The following NRXN3 variants were observed in gnomAD, a reference collection of about 807,000 sequenced individuals.
NRXN3 encodes neurexin 3, also known as neurexin III.
In NRXN3, 32 loss-of-function variants were observed where a neutral mutation model predicts 137.6. The ratio of observed to expected loss-of-function variants is 0.23; its 90% CI spans 0.18 to 0.31. NRXN3 has a LOEUF of 0.31. Among genes scored for constraint, NRXN3 ranks in the 10% least tolerant of loss-of-function variants. The probability of loss-of-function intolerance (pLI) is 1.00; values close to 1 mark genes in which losing one functional copy is unlikely to be tolerated. For missense variants in NRXN3, 1,574 were observed against 2,062.5 expected, an observed-to-expected ratio of 0.76 and a Z score of 4.59; for synonymous variants, 798 against 784.5, an observed-to-expected ratio of 1.02 and a Z score of -0.29.
chr14:78,203,803 GGTGTGTGTGTGTGTGT>G (rs3059003), intron 1 of NRXN3, among the ~76,000 whole-genome samples: 4 of 133,950 alleles, frequency 3.0e-5, no homozygotes, highest in Non-Finnish European at 4.8e-5. Context: ...GATCCTTCCA[GGTGTGTGTGTGTGTGT>G]GTGTGTGTGT....
At chr14:78,920,476 A>G (rs1472850252) in intron 10 of NRXN3, among the ~76,000 whole-genome samples, 5 of 152,160 alleles carry the variant, frequency 3.3e-5, no homozygotes, top group Admixed American at 2.0e-4. Context: ...AGCATTGAAC[A>G]CTGTATTTCT....
intron 10 of NRXN3, among the ~76,000 whole-genome samples, chr14:78,948,775 T>A (rs901396265): frequency 1.3e-5 from 2 of 152,024 alleles, no homozygotes; most frequent in Non-Finnish European, 2.9e-5. Flanking sequence ...TAATTAGCAA[T>A]AGTCTCCCAT....
chr14:78,873,976 CTTT>C (rs3034392), intron 10 of NRXN3, among the ~76,000 whole-genome samples: 2 of 140,818 alleles, frequency 1.4e-5, no homozygotes, highest in Admixed American at 7.1e-5. Flanking sequence ...TCTTTTCTTT[CTTT>C]TTTTTTTTTT....
At chr14:78,330,850 C>T (rs534800482) in intron 4 of NRXN3, among the ~76,000 whole-genome samples, 1 of 152,220 alleles carries the variant, frequency 6.6e-6, no homozygotes, top group African/African-American at 2.4e-5. Flanking sequence ...AATATCTTTG[C>T]AAACGAACTG....
chr14:79,604,794 G>C (rs1262387050), intron 16 of NRXN3, among the ~76,000 whole-genome samples: 1 of 152,058 alleles, frequency 6.6e-6, no homozygotes, highest in African/African-American at 2.4e-5. Context: ...CACTTTGGGA[G>C]GCTGAGGCGG....
chr14:78,431,528 A>T (rs1317263060), intron 4 of NRXN3, among the ~76,000 whole-genome samples: 2 of 152,188 alleles, frequency 1.3e-5, no homozygotes, highest in African/African-American at 4.8e-5. Context: ...GACAGAAATA[A>T]GTATAAATCT....
chr14:78,923,088 TG>T (rs1228000711), intron 10 of NRXN3, among the ~76,000 whole-genome samples: 3 of 152,170 alleles, frequency 2.0e-5, no homozygotes, highest in Non-Finnish European at 4.4e-5. Flanking sequence ...CAGGTTTTTC[TG>T]GACCCCTCTT....
chr14:78,503,449 T>C (rs1462612253), intron 4 of NRXN3, among the ~76,000 whole-genome samples: 1 of 152,096 alleles, frequency 6.6e-6, no homozygotes, highest in Non-Finnish European at 1.5e-5. Flanking sequence ...ATTGATTGGC[T>C]TCAGAGAGGT....
chr14:78,398,015 G>C (rs977132060), intron 4 of NRXN3, among the ~76,000 whole-genome samples: 7 of 149,286 alleles, frequency 4.7e-5, no homozygotes, highest in Middle Eastern at 6.8e-3. Flanking sequence ...AGGAGTTCGA[G>C]ACAAGCCTGG....
intron 19 of NRXN3, among the ~76,000 whole-genome samples, chr14:79,781,117 T>C (rs1312708512): frequency 1.3e-5 from 2 of 152,114 alleles, no homozygotes; most frequent in Non-Finnish European, 2.9e-5. Context: ...TTAACCCCAT[T>C]ATTTTAGGAA....
At chr14:78,194,325 A>G (rs1335827476) in intron 1 of NRXN3, among the ~76,000 whole-genome samples, 2 of 108,192 alleles carry the variant, frequency 1.8e-5, no homozygotes, top group African/African-American at 6.3e-5. Context: ...GAGTTGGGAG[A>G]AGGTCAGGGC....
chr14:79,083,451 T>C (rs888768321), intron 15 of NRXN3, among the ~76,000 whole-genome samples: 3 of 152,142 alleles, frequency 2.0e-5, no homozygotes, highest in East Asian at 1.9e-4. Context: ...GAAACTTATA[T>C]TGAGCGTTTG....
At chr14:78,789,191 A>G (rs1026768593) in intron 8 of NRXN3, among the ~76,000 whole-genome samples, 1 of 152,194 alleles carries the variant, frequency 6.6e-6, no homozygotes, top group African/African-American at 2.4e-5. Flanking sequence ...CTAAAAAGCA[A>G]GTCTGATCAT....
intron 10 of NRXN3, among the ~76,000 whole-genome samples, chr14:78,847,810 G>A (rs1315090849): frequency 6.6e-6 from 1 of 152,054 alleles, no homozygotes; most frequent in African/African-American, 2.4e-5. Flanking sequence ...GGAGAACCAG[G>A]TGTCAGCTCT....
intron 15 of NRXN3, among the ~76,000 whole-genome samples, chr14:79,335,582 A>G (rs1297282622): frequency 2.6e-5 from 4 of 152,156 alleles, no homozygotes. Context: ...AAATATACAT[A>G]TATTTTTCCA....
intron 4 of NRXN3, among the ~76,000 whole-genome samples, chr14:78,561,528 G>A (rs2096785898): frequency 6.6e-6 from 1 of 152,184 alleles, no homozygotes; most frequent in Non-Finnish European, 1.5e-5. Flanking sequence ...CAGCTTGGAA[G>A]TCTACAGGTT....
intron 4 of NRXN3, among the ~76,000 whole-genome samples, chr14:78,304,315 G>T (rs146704421): frequency 2.0e-5 from 3 of 152,224 alleles, no homozygotes; most frequent in Non-Finnish European, 1.5e-5. Context: ...TCAGAGAAAA[G>T]AAGGACTATG....
intron 19 of NRXN3, among the ~76,000 whole-genome samples, chr14:79,718,049 A>G (rs1021130657): frequency 6.6e-6 from 1 of 152,198 alleles, no homozygotes; most frequent in Non-Finnish European, 1.5e-5. Context: ...CTACCGATAA[A>G]TAAATTAGCA....
At chr14:79,424,300 A>T (rs1179546614) in intron 15 of NRXN3, among the ~76,000 whole-genome samples, 2 of 152,244 alleles carry the variant, frequency 1.3e-5, no homozygotes, top group East Asian at 3.8e-4. Context: ...TATTAATTCT[A>T]CAAAGAGCTA....
Sources: gnomAD v4.1 joint callset for allele counts (sites outside exome capture counted in the v4.1 genomes callset) on GRCh38, gnomAD v4.1.1 for gene constraint, MANE v1.5 for transcripts, NCBI Gene and HGNC (gene_info 2026-07-23, HGNC 2026-07-21) for gene names.